GPR179: variants seen among roughly 807,000 people sequenced by gnomAD.
GPR179 encodes the protein G protein-coupled receptor 179.
In GPR179, 52 loss-of-function variants were observed where a neutral mutation model predicts 70.8. That is an observed-to-expected ratio of 0.73 (90% CI 0.59 to 0.93). The LOEUF (loss-of-function observed/expected upper bound fraction) is 0.93, where lower values mean the gene tolerates loss of function less well. Among genes scored for constraint, GPR179 ranks in the 40% least tolerant of loss-of-function variants. GPR179 has a pLI of 0.00. For missense variants in GPR179, 2,734 were observed against 2,966.8 expected (o/e 0.92, Z 1.82); for synonymous variants, 1,123 against 1,169.0 (o/e 0.96, Z 0.80).
At position 38,329,045 on chromosome 17, in the gene GPR179, G is replaced by A; in HGVS notation, c.4524C>T (p.Ala1508=). ...GRESLQEKEK[A]SRKGSFGEMG... The stretch of plus-strand genomic sequence containing the variant: ...TCTCTCCAAAGCTTCCTTTTCTGGA[G>A]GCTTTTTCCTTTTCTTGAAGAGATT... The change falls in exon 11 of 11, where the codon GCC becomes GCT. Residue 1508 remains alanine (A), a synonymous_variant. Coordinates refer to ENST00000616987, the MANE Select transcript of GPR179 (RefSeq NM_001004334.4). 3.1e-6 allele frequency: 5 copies of A among 1,613,674 alleles called. No individual in the cohort carries two copies. Among genetic ancestry groups the A allele is most frequent in the Non-Finnish European group, 3.4e-6 (4 of 1,179,960 alleles).
rs373260391 is a variant in GPR179 at position 38,330,907 on chromosome 17, C to T, written c.2662G>A (p.Ala888Thr). The T allele has an allele frequency of 5.8e-5, 93 of 1,605,692 alleles. No homozygotes were observed. Among genetic ancestry groups the T allele is most frequent in the Non-Finnish European group, 7.1e-5 (84 of 1,176,770 alleles). ...CCTCGAGGCCGCTCCAGCCTCCTGG[C>T]TGATGGCCTCCGCACCAGGCTGGCC... The part of the protein sequence containing the change: ...AMASLVRRPS[A>T]RRLERPRGAP... Residue 888 changes from alanine to threonine, a missense_variant, in exon 11 of 11, where the codon GCC (alanine) becomes ACC (threonine). By Grantham distance (58) the Ala-to-Thr change is moderately conservative (BLOSUM62 0). Coordinates refer to ENST00000616987, the MANE Select transcript of GPR179 (RefSeq NM_001004334.4).
chr17:38,335,701 C>T lies in GPR179; in HGVS notation c.1297-1G>A, dbSNP rs1475859693. Reference sequence around the variant, plus strand: ...TGGGCTTGAAGTATAGGATGAAGACCTGGTGGGAAGGGGCAAAAATCTCTG... The same window carrying T: ...TGGGCTTGAAGTATAGGATGAAGACTTGGTGGGAAGGGGCAAAAATCTCTG... On this transcript the variant is annotated splice_acceptor_variant, in intron 5 of 10. Coordinates refer to ENST00000616987, the MANE Select transcript of GPR179 (RefSeq NM_001004334.4). LOFTEE classifies it high-confidence loss of function. The T allele has an allele frequency of 5.6e-6, 9 of 1,608,826 alleles. No individual in the cohort carries two copies. Among genetic ancestry groups the T allele is most frequent in the Non-Finnish European group, 6.8e-6 (8 of 1,175,386 alleles).
intron 3 of GPR179, 137 bp downstream of exon 3, chr17:38,337,496 C>A (rs1033881692): frequency 2.5e-5 from 19 of 774,268 alleles, no homozygotes; most frequent in Non-Finnish European, 3.4e-5. Context: ...GCCTCTCCTG[C>A]CTCTCTCAAC....
chr17:38,335,124 CT>C lies in GPR179; in HGVS notation c.1553del (p.Gln518ArgfsTer6). ...GGCCTCGGATCACCAGAGGTGCGTG[CT>C]GGATGCCTCGCTCCAGGGCGCCCAC... ...WTVGALERGI[Q>X]HAPLVIRGHT... On this transcript the variant is annotated frameshift_variant, in exon 7 of 11. Transcript: ENST00000616987. LOFTEE classifies it high-confidence loss of function. The C allele has an allele frequency of 1.9e-6, 3 of 1,605,992 alleles. No individual in the cohort carries two copies. The highest frequency in any genetic ancestry group is 2.5e-6 in the Non-Finnish European group (3 of 1,176,628).
At position 38,327,995 on chromosome 17, in the gene GPR179, G is replaced by A. The variant is rs750881196; in HGVS notation, c.5574C>T (p.Asp1858=). ...ACAGTTTTGCCATCCCTTTTGATAC[G>A]TCTTCTCCCAGGGAAGTGAGTCTCC... ...EKGRLTSLGE[D]VSKGMAKLCQ... is the part of the protein sequence containing the mutation. The change falls in exon 11 of 11, where the codon GAC becomes GAT. Residue 1858 remains aspartate (D), a synonymous_variant. Transcript: ENST00000616987. 32 of 1,613,898 alleles carry A rather than the reference G, an allele frequency of 2.0e-5. No homozygotes were observed. The highest frequency in any genetic ancestry group is 8.0e-5 in the African/African-American group (6 of 74,878).
chr17:38,341,785 C>T (rs2037450881), intron 1 of GPR179, among the ~76,000 whole-genome samples: 1 of 152,154 alleles, frequency 6.6e-6, no homozygotes, highest in African/African-American at 2.4e-5. Context: ...ACTCAGCCAG[C>T]TCCTTGGCAG....
rs1434855631 is a variant in GPR179 at position 38,329,500 on chromosome 17, TC to T, written c.4068del (p.Lys1357ArgfsTer43). 2 of 1,613,996 alleles carry T rather than the reference TC, an allele frequency of 1.2e-6. No individual in the cohort carries two copies. On this transcript the variant is annotated frameshift_variant, in exon 11 of 11. Transcript: ENST00000616987. LOFTEE classifies it low-confidence loss of function (END_TRUNC). ...KSEAGDSVEA[R>X]KVEKPGWEAA... Reference sequence around the variant, plus strand: ...GCTTCCCACCCAGGCTTCTCCACCTTCCTGGCCTCCACACTGTCCCCCGCCT... The same window carrying T: ...GCTTCCCACCCAGGCTTCTCCACCTTCTGGCCTCCACACTGTCCCCCGCCT...
chr17:38,328,427 C>T lies in GPR179; in HGVS notation c.5142G>A (p.Gly1714=), dbSNP rs1347688150. The T allele has an allele frequency of 6.2e-7, 1 of 1,612,218 alleles. No homozygotes were observed. The highest frequency in any genetic ancestry group is 1.3e-5 in the African/African-American group (1 of 74,260). ...ICPWEVGAGA[G]EERALGAEAI... ...CCTCAGCTCCCAAAGCCCTTTCCTC[C>T]CCTGCTCCAGCACCCACCTCCCAGG... The change falls in exon 11 of 11, where the codon GGG becomes GGA. Residue 1714 remains glycine (G), a synonymous_variant. Coordinates refer to ENST00000616987, the MANE Select transcript of GPR179 (RefSeq NM_001004334.4).
intron 1 of GPR179, among the ~76,000 whole-genome samples, chr17:38,342,694 A>ATG (rs1399248441): frequency 2.0e-5 from 3 of 152,238 alleles, no homozygotes; most frequent in South Asian, 2.1e-4. Flanking sequence ...TATGCTACAT[A>ATG]TGTATACCTA....
rs1020465633 is a variant in GPR179 at position 38,330,314 on chromosome 17, G to A, written c.3255C>T (p.Arg1085=). 2 of 1,613,306 alleles carry A rather than the reference G, an allele frequency of 1.2e-6. No homozygotes were observed. Among genetic ancestry groups the A allele is most frequent in the African/African-American group, 1.3e-5 (1 of 74,904 alleles). The change falls in exon 11 of 11, where the codon CGC becomes CGT. Residue 1085 remains arginine, a synonymous_variant. Transcript: ENST00000616987. ...LKAPVQQGSM[R]SLGLAIKALT... is the part of the protein sequence containing the mutation. Reference sequence around the variant, plus strand: ...GAGCTTTAATCGCCAGCCCCAGGCTGCGCATGGAACCCTGCTGAACAGGGG... The same window carrying A: ...GAGCTTTAATCGCCAGCCCCAGGCTACGCATGGAACCCTGCTGAACAGGGG...
intron 10 of GPR179, among the ~76,000 whole-genome samples, chr17:38,332,487 C>T (rs899730934): frequency 6.6e-6 from 1 of 152,176 alleles, no homozygotes; most frequent in African/African-American, 2.4e-5. Flanking sequence ...TAAGACCTGC[C>T]AGGTCCAGGG....
rs371447869 is a variant in GPR179, at chr17:38,339,322, TTGTC to T, written c.903+91_903+94del. ...GAAGCCCTGAGATGCTGGGGTAGCT[TTGTC>T]TGCTGCTCCTGGGAGCTGCATGGTG... On this transcript the variant is annotated intron_variant, in intron 2 of 10. Coordinates refer to ENST00000616987, the MANE Select transcript of GPR179 (RefSeq NM_001004334.4). 5.8e-4 allele frequency: 434 copies of T among 745,282 alleles called. 2 individuals are homozygous for T. The African/African-American group carries it at 6.9e-3, about 12-fold the overall frequency. 46.2% of individuals were successfully genotyped at this position (745,282 alleles called of 1,614,324 possible). A position where few individuals can be genotyped will look rare whatever the true frequency, so the allele number is the denominator to read the frequency against.
rs181425775 is a variant in GPR179 at position 38,327,491 on chromosome 17, T to A, written c.6078A>T (p.Arg2026Ser). 2.0e-5 allele frequency: 32 copies of A among 1,614,236 alleles called. No homozygotes were observed. The African/African-American group carries it at 3.3e-4, about 17-fold the overall frequency. ...GCCTTGACACCCCTTTGACAGGGAT[T>A]CTTTCAGTCACTTCCCAGGGACAGG... ...AETCPWEVTE[R>S]IPVKGVSRQD... The change falls in exon 11 of 11, where the codon AGA becomes AGT. Residue 2026 changes from arginine to serine, a missense_variant. Physicochemically the swap from Arg to Ser is moderately radical, Grantham distance 110 (BLOSUM62 -1). Coordinates refer to ENST00000616987, the MANE Select transcript of GPR179 (RefSeq NM_001004334.4).
rs536693144 is a variant in GPR179 at position 38,327,671 on chromosome 17, T to C, written c.5898A>G (p.Ala1966=). ...SVCPWETTAP[A]DSVSHLDRQR... Reference sequence around the variant, plus strand: ...GTCTGTCTAGGTGAGAGACGGAATCTGCTGGGGCAGTGGTCTCCCATGGAC... The same window carrying C: ...GTCTGTCTAGGTGAGAGACGGAATCCGCTGGGGCAGTGGTCTCCCATGGAC... The change falls in exon 11 of 11, where the codon GCA becomes GCG. Residue 1966 remains alanine, a synonymous_variant. Coordinates refer to ENST00000616987, the MANE Select transcript of GPR179 (RefSeq NM_001004334.4). 1.9e-6 allele frequency: 3 copies of C among 1,614,244 alleles called. No individual in the cohort carries two copies. The South Asian group carries it at 3.3e-5, about 18-fold the overall frequency.
Position 38,343,653 on chromosome 17 carries a change from G to A in GPR179, c.137C>T (p.Ser46Phe), listed in dbSNP as rs1343681530. The A allele has an allele frequency of 1.9e-6, 3 of 1,612,918 alleles. No homozygotes were observed. The South Asian group carries it at 3.3e-5, about 18-fold the overall frequency. ...CTCTAGGGGCACCTGCATGGGTACA[G>A]ATCCTGGCTTGACTTGGGAAGACAG... ...PPLSSQVKPG[S>F]VPMQVPLEGA... Residue 46 changes from serine (S) to phenylalanine (F), a missense_variant, in exon 1 of 11, where the codon TCT becomes TTT. Physicochemically the swap from Ser to Phe is radical, Grantham distance 155. Coordinates refer to ENST00000616987, the MANE Select transcript of GPR179 (RefSeq NM_001004334.4). This position sits in a 1 kb window ranked among gnomAD's most constrained non-coding sequence, Gnocchi z 4.2.
chr17:38,337,522 C>G, intron 3 of GPR179, 111 bp downstream of exon 3: 1 of 970,680 alleles, frequency 1.0e-6, no homozygotes, highest in South Asian at 1.5e-5. Flanking sequence ...GCCCTTGCCC[C>G]ACAAGTTCCC....
chr17:38,335,798 A>G (rs2037399821), intron 5 of GPR179, 98 bp from the exon 6 acceptor site: 5 of 788,136 alleles, frequency 6.3e-6, no homozygotes, highest in South Asian at 2.9e-5. Context: ...CAGCCCTGCA[A>G]TAGAGCCATC....
chr17:38,328,641 T>C lies in GPR179; in HGVS notation c.4928A>G (p.Gln1643Arg), dbSNP rs763891099. The stretch of plus-strand genomic sequence containing the variant: ...CCAGGGGCCGACCGCTTCTTGCTTT[T>C]GGATCTGCCCCTCAGGCTTTTCCCA... ...TAWEKPEGQIQKQEAVGPWES... is the reference protein window; with the variant it reads ...TAWEKPEGQIRKQEAVGPWES... The change falls in exon 11 of 11, where the codon CAA (glutamine) becomes CGA (arginine). Residue 1643 changes from glutamine to arginine, a missense_variant. Coordinates refer to ENST00000616987, the MANE Select transcript of GPR179 (RefSeq NM_001004334.4). The C allele has an allele frequency of 8.1e-6, 13 of 1,614,196 alleles. No homozygotes were observed. In the South Asian group the frequency reaches 1.4e-4, roughly 18 times the overall value.
chr17:38,329,665 C>G lies in GPR179; in HGVS notation c.3904G>C (p.Val1302Leu). Reference sequence around the variant, plus strand: ...GGCTTTTTCCGCATCATGGGAACCACATCTATGGGCTCTGATTTTCCCCGG... The same window carrying G: ...GGCTTTTTCCGCATCATGGGAACCAGATCTATGGGCTCTGATTTTCCCCGG... ...EARGKSEPID[V>L]VPMMRKKPER... Residue 1302 changes from valine (V) to leucine (L), a missense_variant, in exon 11 of 11, where the codon GTG (valine) becomes CTG (leucine). Val to Leu is a conservative substitution (Grantham distance 32). Coordinates refer to ENST00000616987, the MANE Select transcript of GPR179 (RefSeq NM_001004334.4). The G allele has an allele frequency of 1.9e-6, 3 of 1,614,224 alleles. No homozygotes were observed.
Sources: allele counts gnomAD v4.1 joint callset (sites outside exome capture counted in the v4.1 genomes callset), GRCh38; gene constraint gnomAD v4.1.1; non-coding constraint Gnocchi (gnomAD v3.1); transcripts MANE v1.5; gene names NCBI Gene and HGNC (gene_info 2026-07-23, HGNC 2026-07-21).